Variants in CDKL5 observed in about 807,000 individuals in gnomAD.
The protein encoded by CDKL5 is cyclin dependent kinase like 5.
In CDKL5, 8 loss-of-function variants were observed where a neutral mutation model predicts 61.7. The ratio of observed to expected loss-of-function variants is 0.13; its 90% CI spans 0.08 to 0.23. The LOEUF (loss-of-function observed/expected upper bound fraction) is 0.23. Ranked by LOEUF, CDKL5 falls within the 10% of genes least tolerant of loss-of-function variation. The pLI, the probability that CDKL5 is intolerant of heterozygous loss-of-function variation, is 1.00. For synonymous variants in CDKL5, 275 were observed against 272.3 expected (o/e 1.01, Z -0.10); for missense variants, 440 against 734.5 (o/e 0.60, Z 4.63).
At chrX:18,547,673 G>C (rs1490685455) in intron 3 of CDKL5, among the ~76,000 whole-genome samples, 1 of 111,518 alleles carries the variant, frequency 9.0e-6, no homozygotes, top group African/African-American at 3.3e-5. Flanking sequence ...CTCAAGGTGT[G>C]GTGTACATTG....
chrX:18,529,235 C>G (rs1185748468), intron 3 of CDKL5, among the ~76,000 whole-genome samples: 1 of 104,782 alleles, frequency 9.5e-6, no homozygotes, highest in African/African-American at 3.5e-5. Flanking sequence ...ACATTTACAA[C>G]TTATCTAAGT....
intron 3 of CDKL5, among the ~76,000 whole-genome samples, chrX:18,556,435 G>C (rs927363341): frequency 2.7e-5 from 3 of 110,922 alleles, no homozygotes; most frequent in Non-Finnish European, 5.7e-5. Flanking sequence ...GTCTTCCTGG[G>C]TTTAAAATCT....
Position 18,595,206 on chromosome X carries a change from A to G in CDKL5, c.745-142A>G, listed in dbSNP as rs559916436. On this transcript the variant is annotated intron_variant, in intron 9 of 17. Coordinates refer to ENST00000623535, the MANE Select transcript of CDKL5 (RefSeq NM_001323289.2). Reference sequence around the variant, plus strand: ...CAAAAACAAACAAAAAAAAATACATAGACAACAAAAGTAATATACAAGTAT... The same window carrying G: ...CAAAAACAAACAAAAAAAAATACATGGACAACAAAAGTAATATACAAGTAT... The G allele has an allele frequency of 3.3e-4, 161 of 492,387 alleles. No individual in the cohort carries two copies. The South Asian group carries it at 4.2e-3, about 13-fold the overall frequency. 40.6% of individuals were successfully genotyped at this position (492,387 alleles called of 1,213,427 possible).
chrX:18,514,235 C>G (rs1387051253), intron 3 of CDKL5, among the ~76,000 whole-genome samples: 2 of 110,854 alleles, frequency 1.8e-5, no homozygotes, highest in East Asian at 5.6e-4. Flanking sequence ...TAATGCTGCT[C>G]AATTTCAAAG....
chrX:18,620,442 C>T (rs762953901), intron 16 of CDKL5, among the ~76,000 whole-genome samples: 1 of 111,928 alleles, frequency 8.9e-6, no homozygotes, highest in South Asian at 3.7e-4. Context: ...TCACAAAGAT[C>T]GTATCTGGGA....
chrX:18,588,268 ATCCC>A, intron 9 of CDKL5, 125 bp downstream of exon 9: 1 of 526,689 alleles, frequency 1.9e-6, no homozygotes, highest in Non-Finnish European at 3.2e-6. Context: ...AGTGTTTATA[ATCCC>A]TATTATAATA....
downstream of CDKL5, chrX:18,640,804 C>T (rs922190374): frequency 4.4e-5 from 5 of 112,426 alleles, no homozygotes; most frequent in African/African-American, 1.6e-4. Flanking sequence ...TCTCCATATC[C>T]CTCTCCTGCC....
At chrX:18,462,718 G>A (rs1407740291) in intron 1 of CDKL5, among the ~76,000 whole-genome samples, 1 of 111,535 alleles carries the variant, frequency 9.0e-6, no homozygotes, top group Non-Finnish European at 1.9e-5. Flanking sequence ...TTTGTAAGAT[G>A]AATTAAAACT....
rs763419895 is a variant in CDKL5 at position 18,608,888 on chromosome X, C to G, written c.2022C>G (p.Ser674=). Residue 674 remains serine, a synonymous_variant, in exon 13 of 18, where the codon TCC becomes TCG. Coordinates refer to ENST00000623535, the MANE Select transcript of CDKL5 (RefSeq NM_001323289.2). ...AGACCTCCAGAGAAGGCACCTCTTC[C>G]TTCCATACACGCCAGAAGTCTGAGG... is the stretch of plus-strand genomic sequence containing the variant. ...VKETSREGTS[S]FHTRQKSEGG... 2.3e-4 allele frequency: 280 copies of G among 1,192,786 alleles called. No homozygotes were observed. In the South Asian group the frequency reaches 4.8e-3, roughly 21 times the overall value.
intron 3 of CDKL5, among the ~76,000 whole-genome samples, chrX:18,513,136 TG>T (rs1411500902): frequency 8.0e-5 from 9 of 112,352 alleles, no homozygotes; most frequent in Admixed American, 2.9e-4. Context: ...CTTCAACCTG[TG>T]ACCTTTTCCT....
chrX:18,595,766 T>A (rs1925972347), intron 10 of CDKL5, among the ~76,000 whole-genome samples: 1 of 112,137 alleles, frequency 8.9e-6, no homozygotes, highest in Admixed American at 9.4e-5. Flanking sequence ...TTCAACAATT[T>A]TTTCTGACAT....
intron 9 of CDKL5, among the ~76,000 whole-genome samples, chrX:18,591,736 A>T (rs1440854896): frequency 1.8e-5 from 2 of 110,673 alleles, no homozygotes; most frequent in Non-Finnish European, 3.8e-5. Flanking sequence ...CTGCATTTCC[A>T]TCTCTATAAT....
chrX:18,521,600 T>C (rs1294760849), intron 3 of CDKL5, among the ~76,000 whole-genome samples: 1 of 112,545 alleles, frequency 8.9e-6, no homozygotes, highest in Non-Finnish European at 1.9e-5. Context: ...ACAGTTTTGT[T>C]ACATGGGTTT....
At chrX:18,441,909 C>T (rs1931754593) in intron 1 of CDKL5, among the ~76,000 whole-genome samples, 1 of 111,058 alleles carries the variant, frequency 9.0e-6, no homozygotes, top group Non-Finnish European at 1.9e-5. Flanking sequence ...GATTAAGCCT[C>T]AGTTTCAGGC....
At chrX:18,452,053 C>G (rs937026281) in intron 1 of CDKL5, among the ~76,000 whole-genome samples, 1 of 111,991 alleles carries the variant, frequency 8.9e-6, no homozygotes, top group African/African-American at 3.2e-5. Flanking sequence ...CTGCAAAGGG[C>G]TTCCCAAGTT....
chrX:18,611,202 A>G (rs756335666), intron 14 of CDKL5, among the ~76,000 whole-genome samples: 2 of 111,042 alleles, frequency 1.8e-5, no homozygotes, highest in Non-Finnish European at 3.8e-5. Flanking sequence ...AGGCCAAGGC[A>G]GGAGGATCAC....
intron 1 of CDKL5, among the ~76,000 whole-genome samples, chrX:18,434,357 A>G (rs898218016): frequency 9.0e-6 from 1 of 111,714 alleles, no homozygotes; most frequent in South Asian, 3.7e-4. Flanking sequence ...AGGTAAATCA[A>G]TAACTCCTTG....
At chrX:18,586,421 G>A (rs888021532) in intron 8 of CDKL5, among the ~76,000 whole-genome samples, 1 of 111,240 alleles carries the variant, frequency 9.0e-6, no homozygotes, top group Non-Finnish European at 1.9e-5. Context: ...TCTGTAACAT[G>A]GCCCCAAAAA....
downstream of CDKL5, chrX:18,641,942 G>C: frequency 4.4e-6 from 5 of 1,139,448 alleles, no homozygotes; most frequent in Non-Finnish European, 5.9e-6. Context: ...GTGTGTGAGG[G>C]GGTCCCCTAC....
Sources: gnomAD v4.1 joint callset for allele counts (sites outside exome capture counted in the v4.1 genomes callset) on GRCh38, gnomAD v4.1.1 for gene constraint, MANE v1.5 for transcripts, NCBI Gene and HGNC (gene_info 2026-07-23, HGNC 2026-07-21) for gene names.